Variants in RBFOX1 observed in about 807,000 individuals in gnomAD.
RBFOX1 encodes RNA binding fox-1 homolog 1, also known as RNA binding protein fox-1 homolog 1.
In RBFOX1, 8 loss-of-function variants were observed where a neutral mutation model predicts 57.7. The ratio of observed to expected loss-of-function variants is 0.14; its 90% CI spans 0.08 to 0.25. The LOEUF (loss-of-function observed/expected upper bound fraction) is 0.25, where lower values mean the gene tolerates loss of function less well. RBFOX1 is among the 10% of genes least tolerant of loss of function. The probability of loss-of-function intolerance (pLI) is 1.00; values close to 1 mark genes in which losing one functional copy is unlikely to be tolerated. For synonymous variants in RBFOX1, 326 were observed against 222.4 expected (o/e 1.47, Z -4.15); for missense variants, 611 against 548.5 (o/e 1.11, Z -1.14).
At chr16:7,702,481 C>T (rs755397202) in intron 14 of RBFOX1, among the ~76,000 whole-genome samples, 4 of 152,068 alleles carry the variant, frequency 2.6e-5, no homozygotes, top group South Asian at 4.1e-4. Context: ...CATTTAGTGA[C>T]GAGTATGGGA....
At chr16:5,598,332 C>G (rs566680947) in intron 2 of RBFOX1, among the ~76,000 whole-genome samples, 3 of 152,070 alleles carry the variant, frequency 2.0e-5, no homozygotes, top group East Asian at 1.9e-4. Flanking sequence ...CCAGCATCCT[C>G]GGTCTGGGAC....
At chr16:6,735,039 G>A (rs774241167) in intron 3 of RBFOX1, among the ~76,000 whole-genome samples, 13 of 152,024 alleles carry the variant, frequency 8.6e-5, no homozygotes, top group Non-Finnish European at 1.3e-4. Flanking sequence ...CAGCTACTTG[G>A]AAGACTGAGG....
At chr16:6,811,411 T>G (rs1401924745) in intron 3 of RBFOX1, among the ~76,000 whole-genome samples, 1 of 152,258 alleles carries the variant, frequency 6.6e-6, no homozygotes, top group Non-Finnish European at 1.5e-5. Context: ...TTGAATATTT[T>G]AATGTTTCAT....
chr16:5,365,396 A>T (rs2065682675), intron 1 of RBFOX1, among the ~76,000 whole-genome samples: 1 of 152,196 alleles, frequency 6.6e-6, no homozygotes, highest in Non-Finnish European at 1.5e-5. Flanking sequence ...GGCTAGGCAC[A>T]GTGTCTCACA....
chr16:5,809,773 C>A (rs1197817188), intron 3 of RBFOX1, among the ~76,000 whole-genome samples: 6 of 152,130 alleles, frequency 3.9e-5, no homozygotes, highest in Admixed American at 2.6e-4. Context: ...GTGGCGATTC[C>A]TCAGGGATCT....
At chr16:6,297,276 C>T (rs1056458665) in intron 1 of RBFOX1, among the ~76,000 whole-genome samples, 3 of 152,148 alleles carry the variant, frequency 2.0e-5, no homozygotes, top group African/African-American at 4.8e-5. Flanking sequence ...CCTTAACTGT[C>T]TGGGAATGCA....
At chr16:6,648,733 G>C (rs934338781) in intron 2 of RBFOX1, among the ~76,000 whole-genome samples, 1 of 152,104 alleles carries the variant, frequency 6.6e-6, no homozygotes, top group Admixed American at 6.6e-5. Context: ...GTCAGAACAG[G>C]CAGAAGCAGA....
intron 1 of RBFOX1, among the ~76,000 whole-genome samples, chr16:6,198,365 C>A (rs572516255): frequency 6.6e-6 from 1 of 152,180 alleles, no homozygotes; most frequent in Non-Finnish European, 1.5e-5. Context: ...GGAATGCTCT[C>A]TAAACATAAT....
intron 1 of RBFOX1, among the ~76,000 whole-genome samples, chr16:6,126,293 G>C (rs144034664): frequency 1.3e-4 from 20 of 152,340 alleles, no homozygotes; most frequent in African/African-American, 4.6e-4. Context: ...TTCGCAGGCC[G>C]TTGGTGTTAG....
At chr16:6,412,062 G>T (rs771000824) in intron 2 of RBFOX1, among the ~76,000 whole-genome samples, 29 of 151,630 alleles carry the variant, frequency 1.9e-4, no homozygotes, top group Non-Finnish European at 3.4e-4. Context: ...AAACCCGGGA[G>T]GCAGAGGTTG....
intron 1 of RBFOX1, among the ~76,000 whole-genome samples, chr16:5,465,242 C>T (rs892858227): frequency 1.4e-4 from 21 of 152,150 alleles, no homozygotes; most frequent in African/African-American, 4.6e-4. Flanking sequence ...CTCCTTGCTG[C>T]GTCCTCACCT....
At chr16:7,035,566 C>T (rs984981259) in intron 3 of RBFOX1, among the ~76,000 whole-genome samples, 1 of 152,078 alleles carries the variant, frequency 6.6e-6, no homozygotes, top group Non-Finnish European at 1.5e-5. Context: ...AAAATATTTT[C>T]TTTCTGAAGG....
intron 2 of RBFOX1, among the ~76,000 whole-genome samples, chr16:6,531,508 A>G (rs899937924): frequency 2.0e-5 from 3 of 152,158 alleles, no homozygotes; most frequent in African/African-American, 7.2e-5. Flanking sequence ...ATGGTGAAAT[A>G]TTTTTACTTT....
intron 5 of RBFOX1, among the ~76,000 whole-genome samples, chr16:7,524,750 G>T (rs2078296733): frequency 6.6e-6 from 1 of 152,192 alleles, no homozygotes; most frequent in African/African-American, 2.4e-5. Flanking sequence ...AGTGTTAACT[G>T]CGCCTCCAAA....
rs34773276 is a variant in RBFOX1, at chr16:7,035,883, G to GACAC, written c.-15-16160_-15-16157dup. Among the ~76,000 whole-genome samples the GACAC allele has an allele frequency of 4.8e-4, 72 of 151,168 alleles. 1 individual carries two copies. The Middle Eastern group carries it at 0.01, about 21-fold the overall frequency. ...GCTTTCCAGGAAGAATGTGAACACAGACACACACACACACACATATACAGA... is the reference window on the plus strand; with the variant it reads ...GCTTTCCAGGAAGAATGTGAACACAGACACACACACACACACACACATATACAGA... On this transcript the variant is annotated intron_variant, in intron 3 of 15. Transcript: ENST00000550418.
At chr16:5,666,242 A>G (rs1468807424) in intron 3 of RBFOX1, among the ~76,000 whole-genome samples, 2 of 152,194 alleles carry the variant, frequency 1.3e-5, no homozygotes, top group Non-Finnish European at 2.9e-5. Flanking sequence ...TCCAGTTCCC[A>G]GTGTGTGGAG....
intron 1 of RBFOX1, among the ~76,000 whole-genome samples, chr16:6,241,858 T>G (rs1380291997): frequency 6.6e-6 from 1 of 152,178 alleles, no homozygotes; most frequent in Non-Finnish European, 1.5e-5. Flanking sequence ...CATGGTGAAC[T>G]GCAAAAGCCC....
intron 1 of RBFOX1, among the ~76,000 whole-genome samples, chr16:5,345,625 G>C (rs1244247045): frequency 1.3e-5 from 2 of 152,208 alleles, no homozygotes; most frequent in Admixed American, 6.5e-5. Context: ...GTCTGCATTT[G>C]GCCGTGCTCG....
chr16:6,970,184 A>C (rs1413564225), intron 3 of RBFOX1, among the ~76,000 whole-genome samples: 2 of 152,038 alleles, frequency 1.3e-5, no homozygotes, highest in Non-Finnish European at 2.9e-5. Flanking sequence ...GGGGGAAAAA[A>C]ATAAAAAAGA....
Sources: gnomAD v4.1 joint callset for allele counts (sites outside exome capture counted in the v4.1 genomes callset) on GRCh38, gnomAD v4.1.1 for gene constraint, MANE v1.5 for transcripts, NCBI Gene and HGNC (gene_info 2026-07-23, HGNC 2026-07-21) for gene names.